Variants in NEDD4L observed in about 807,000 individuals in gnomAD.
NEDD4L encodes the protein E3 ubiquitin-protein ligase NEDD4-like.
In NEDD4L, 54 loss-of-function variants were observed where a neutral mutation model predicts 148.9. That is an observed-to-expected ratio of 0.36 (90% CI 0.29 to 0.45). NEDD4L has a LOEUF of 0.45. NEDD4L is among the 20% of genes least tolerant of loss of function. The pLI is 1.00. For missense variants in NEDD4L, 856 were observed against 1,233.8 expected (o/e 0.69, Z 4.59); for synonymous variants, 433 against 440.7 (o/e 0.98, Z 0.22).
chr18:58,120,673 G>A (rs1001776573), intron 1 of NEDD4L, among the ~76,000 whole-genome samples: 2 of 152,290 alleles, frequency 1.3e-5, no homozygotes, highest in African/African-American at 4.8e-5. Context: ...CCAGCTACTC[G>A]GGAGGTTGAG....
At chr18:58,214,189 C>G (rs1416084161) in intron 2 of NEDD4L, among the ~76,000 whole-genome samples, 1 of 152,202 alleles carries the variant, frequency 6.6e-6, no homozygotes, top group East Asian at 1.9e-4. Flanking sequence ...GTTAGTCACT[C>G]TAGCCCCCTT....
At chr18:58,200,770 A>G (rs1185193475) in intron 2 of NEDD4L, among the ~76,000 whole-genome samples, 2 of 152,220 alleles carry the variant, frequency 1.3e-5, no homozygotes, top group African/African-American at 2.4e-5. Flanking sequence ...TACCTTCGCT[A>G]CAGGTGGGCA....
At chr18:58,214,800 ATT>A (rs60043101) in intron 2 of NEDD4L, among the ~76,000 whole-genome samples, 18,976 of 123,248 alleles carry the variant, frequency 0.15, 1,647 homozygotes, top group African/African-American at 0.27. Flanking sequence ...TCTTTCTTTC[ATT>A]TTTTTTTTTT....
intron 30 of NEDD4L, among the ~76,000 whole-genome samples, chr18:58,392,062 T>C (rs574699174): frequency 2.6e-5 from 4 of 152,338 alleles, no homozygotes; most frequent in Non-Finnish European, 4.4e-5. Context: ...TGGCCAGGGA[T>C]GCCCAAGCGT....
At chr18:58,097,145 C>T (rs1362090405) in intron 1 of NEDD4L, among the ~76,000 whole-genome samples, 1 of 152,140 alleles carries the variant, frequency 6.6e-6, no homozygotes, top group Admixed American at 6.5e-5. Context: ...GTTTTGTTCG[C>T]AAGACTTATG....
In NEDD4L at chr18:58,190,698, C is replaced by T. The variant is rs182662858; in HGVS notation, c.122+24837C>T. 3.9e-3 allele frequency among the ~76,000 whole-genome samples: 596 copies of T among 152,242 alleles called. 2 individuals are homozygous for T. The highest frequency in any genetic ancestry group is 5.9e-3 in the Non-Finnish European group (404 of 68,018). Reference sequence around the variant, plus strand: ...TGAAGAATCTGTATTGCATTTACTACTGGAAGGGTTTATTTTAGATTTAGA... The same window carrying T: ...TGAAGAATCTGTATTGCATTTACTATTGGAAGGGTTTATTTTAGATTTAGA... On this transcript the variant is annotated intron_variant, in intron 2 of 30. Transcript: ENST00000400345.
intron 5 of NEDD4L, among the ~76,000 whole-genome samples, chr18:58,262,295 C>T (rs749276765): frequency 2.6e-5 from 4 of 152,150 alleles, no homozygotes; most frequent in Non-Finnish European, 5.9e-5. Flanking sequence ...ATTCCAGTGC[C>T]AGGCCCTGGA....
At chr18:58,082,102 A>ATATATTTTTTTT in intron 1 of NEDD4L, among the ~76,000 whole-genome samples, 40 of 48,834 alleles carry the variant, frequency 8.2e-4, no homozygotes, top group African/African-American at 2.7e-3. Context: ...ATATATATAT[A>ATATATTTTTTTT]TTTTTTTTTT....
chr18:58,139,747 G>C (rs1412676770), intron 1 of NEDD4L, among the ~76,000 whole-genome samples: 1 of 152,142 alleles, frequency 6.6e-6, no homozygotes, highest in East Asian at 1.9e-4. Context: ...CTTCGAATCA[G>C]CTGTGTTCAT....
chr18:58,126,039 A>G (rs532894), intron 1 of NEDD4L, among the ~76,000 whole-genome samples: 68 of 152,334 alleles, frequency 4.5e-4, no homozygotes, highest in African/African-American at 1.5e-3. Flanking sequence ...CTTCGCCTGC[A>G]TCCTCACGGG....
intron 1 of NEDD4L, among the ~76,000 whole-genome samples, chr18:58,066,998 A>G (rs1310043377): frequency 6.6e-6 from 1 of 152,138 alleles, no homozygotes; most frequent in Non-Finnish European, 1.5e-5. Context: ...CCTCATACAC[A>G]TGTATTGTAA....
Position 58,294,955 on chromosome 18 carries a change from CTT to C in NEDD4L, c.298-21025_298-21024del, listed in dbSNP as rs572629674. 3.3e-5 allele frequency among the ~76,000 whole-genome samples: 5 copies of C among 152,230 alleles called. No individual in the cohort carries two copies. The East Asian group carries it at 7.7e-4, about 23-fold the overall frequency. ...TTTTTCCTTTTTCTTTTTAAACTGACTTTATTTTTTTGGAGCAGTTTTAGGTT... is the reference window on the plus strand; with the variant it reads ...TTTTTCCTTTTTCTTTTTAAACTGACTATTTTTTTGGAGCAGTTTTAGGTT... On this transcript the variant is annotated intron_variant, in intron 5 of 30. Transcript: ENST00000400345.
chr18:58,148,041 T>TC (rs60375254), intron 1 of NEDD4L, among the ~76,000 whole-genome samples: 9,518 of 148,680 alleles, frequency 0.064, 990 homozygotes, highest in African/African-American at 0.22. Flanking sequence ...CACCCCTCTC[T>TC]CCCCCCCTTT....
chr18:58,349,464 G>C, intron 16 of NEDD4L, 73 bp from the exon 17 acceptor site: 1 of 1,307,054 alleles, frequency 7.7e-7, no homozygotes, highest in Non-Finnish European at 1.1e-6. Context: ...AACAGCTCAA[G>C]AAGAAAAGCA....
At chr18:58,080,566 T>C (rs568692871) in intron 1 of NEDD4L, among the ~76,000 whole-genome samples, 122 of 152,328 alleles carry the variant, frequency 8.0e-4, no homozygotes, top group African/African-American at 2.9e-3. Context: ...CAGATATTGC[T>C]ATAGAGAGCA....
At chr18:58,138,967 G>A (rs922604855) in intron 1 of NEDD4L, among the ~76,000 whole-genome samples, 3 of 152,160 alleles carry the variant, frequency 2.0e-5, no homozygotes, top group Non-Finnish European at 4.4e-5. Context: ...CTGGAGCCCT[G>A]CCGGGACCAC....
chr18:58,104,746 T>A (rs1361103479), intron 1 of NEDD4L, among the ~76,000 whole-genome samples: 1 of 152,216 alleles, frequency 6.6e-6, no homozygotes, highest in African/African-American at 2.4e-5. Context: ...TTGCATTTTT[T>A]CCTTTTCATC....
At chr18:58,339,692 T>C (rs1190885001) in intron 13 of NEDD4L, among the ~76,000 whole-genome samples, 1 of 152,186 alleles carries the variant, frequency 6.6e-6, no homozygotes, top group East Asian at 1.9e-4. Flanking sequence ...CAGGTGATCT[T>C]TCTCTGAATT....
intron 5 of NEDD4L, among the ~76,000 whole-genome samples, chr18:58,259,319 A>G (rs2049028801): frequency 6.6e-6 from 1 of 151,704 alleles, no homozygotes; most frequent in Admixed American, 6.6e-5. Context: ...ATTCATTCGT[A>G]TAGTCATCAA....
Sources: gnomAD v4.1 joint callset for allele counts (sites outside exome capture counted in the v4.1 genomes callset) on GRCh38, gnomAD v4.1.1 for gene constraint, MANE v1.5 for transcripts, NCBI Gene and HGNC (gene_info 2026-07-23, HGNC 2026-07-21) for gene names.